TENM4: variants seen among roughly 807,000 people sequenced by gnomAD.
TENM4 encodes teneurin-4.
In TENM4, 82 loss-of-function variants were observed where a neutral mutation model predicts 243.3. That is an observed-to-expected ratio of 0.34 (90% CI 0.28 to 0.40). The LOEUF is 0.40. Among genes scored for constraint, TENM4 ranks in the 10% least tolerant of loss-of-function variants. The probability of loss-of-function intolerance (pLI) is 1.00; values close to 1 mark genes in which losing one functional copy is unlikely to be tolerated. For synonymous variants in TENM4, 1,412 were observed against 1,456.3 expected (o/e 0.97, Z 0.69); for missense variants, 3,138 against 3,673.3 (o/e 0.85, Z 3.77).
At position 79,129,521 on chromosome 11, in the gene TENM4, T is replaced by C. The variant is rs927834071; in HGVS notation, c.-66+19189A>G. Reference sequence around the variant, plus strand: ...GCCCACCACCTGGAAACAGACTCGGTGCTGTTTGTTGGGGGGTAGGGAGAG... The same window carrying C: ...GCCCACCACCTGGAAACAGACTCGGCGCTGTTTGTTGGGGGGTAGGGAGAG... On this transcript the variant is annotated intron_variant, in intron 4 of 33. Transcript: ENST00000278550. Among the ~76,000 whole-genome samples, 3 of 152,088 alleles carry C rather than the reference T, an allele frequency of 2.0e-5. No individual in the cohort carries two copies. In the East Asian group the frequency reaches 5.8e-4, roughly 29 times the overall value.
At chr11:79,130,722 C>G (rs984138144) in intron 4 of TENM4, among the ~76,000 whole-genome samples, 6 of 152,188 alleles carry the variant, frequency 3.9e-5, no homozygotes, top group African/African-American at 1.4e-4. Flanking sequence ...ACTTGGGAGG[C>G]TGAGGCAGGA....
intron 17 of TENM4, among the ~76,000 whole-genome samples, 188 bp downstream of exon 17, chr11:78,778,414 A>G (rs762929582): frequency 5.9e-5 from 9 of 152,096 alleles, no homozygotes; most frequent in Non-Finnish European, 1.0e-4. Context: ...AGGTATATCA[A>G]CCACCTTGTG....
At chr11:78,876,231 G>A (rs1201781996) in intron 9 of TENM4, among the ~76,000 whole-genome samples, 2 of 152,162 alleles carry the variant, frequency 1.3e-5, no homozygotes, top group East Asian at 1.9e-4. Flanking sequence ...CTTACATAAA[G>A]GCATGGTATT....
At chr11:78,659,151 T>C (rs1161821648) in intron 33 of TENM4, among the ~76,000 whole-genome samples, 3 of 152,338 alleles carry the variant, frequency 2.0e-5, no homozygotes, top group Middle Eastern at 3.4e-3. Flanking sequence ...GAAAGACAGA[T>C]ATGACAACAA....
rs370253336 is a variant in TENM4 at position 79,166,973 on chromosome 11, T to G, written c.-162-18167A>C. Among the ~76,000 whole-genome samples the G allele has an allele frequency of 4.5e-4, 68 of 152,256 alleles. No homozygotes were observed. The South Asian group carries it at 0.012, about 26-fold the overall frequency. On this transcript the variant is annotated intron_variant, in intron 3 of 33. Transcript: ENST00000278550. ...AGGGGAGTGGAGGGTGGGCTATAGTTTCAGAAATGAGGCTGCAGAGGGAAC... is the reference window on the plus strand; with the variant it reads ...AGGGGAGTGGAGGGTGGGCTATAGTGTCAGAAATGAGGCTGCAGAGGGAAC...
At chr11:79,398,737 TAAAAAAAAA>T (rs5792854) in intron 1 of TENM4, among the ~76,000 whole-genome samples, 1 of 102,768 alleles carries the variant, frequency 9.7e-6, no homozygotes, top group Non-Finnish European at 1.9e-5. Context: ...TCAGATGCTT[TAAAAAAAAA>T]AAAAAAAAAA....
intron 6 of TENM4, among the ~76,000 whole-genome samples, chr11:78,921,151 CTG>C (rs1856439523): frequency 6.6e-6 from 1 of 152,232 alleles, no homozygotes; most frequent in African/African-American, 2.4e-5. Flanking sequence ...ACCATTGACA[CTG>C]TATGTTACAG....
intron 6 of TENM4, among the ~76,000 whole-genome samples, chr11:78,979,260 C>T (rs987575499): frequency 7.9e-5 from 12 of 152,254 alleles, no homozygotes; most frequent in African/African-American, 2.6e-4. Flanking sequence ...AAGGGAGGGA[C>T]TCCAACCAGC....
chr11:78,691,269 G>A lies in TENM4; in HGVS notation c.5088-3043C>T, dbSNP rs537841121. Among the ~76,000 whole-genome samples the A allele has an allele frequency of 5.9e-5, 9 of 152,326 alleles. No individual in the cohort carries two copies. In the East Asian group the frequency reaches 1.3e-3, roughly 23 times the overall value. On this transcript the variant is annotated intron_variant, in intron 28 of 33. Coordinates refer to ENST00000278550, the MANE Select transcript of TENM4 (RefSeq NM_001098816.3). ...CTGGGTTCTGCCACCTGCCAGCAGC[G>A]TGACCCTGGAGGACTGGCTCTCAGT...
At chr11:78,968,333 G>A (rs1194244060) in intron 6 of TENM4, among the ~76,000 whole-genome samples, 2 of 152,174 alleles carry the variant, frequency 1.3e-5, no homozygotes, top group African/African-American at 4.8e-5. Flanking sequence ...CACCCAGGCT[G>A]GAGTGTCATG....
At position 79,022,645 on chromosome 11, in the gene TENM4, C is replaced by T. The variant is rs550743977; in HGVS notation, c.493+42093G>A. On this transcript the variant is annotated intron_variant, in intron 6 of 33. Transcript: ENST00000278550. ...ATAAAAGGTTTTTAAAAGACACACA[C>T]GATAGCATTTTTGGTTTTCAGAAAC... Among the ~76,000 whole-genome samples, 7 of 152,194 alleles carry T rather than the reference C, an allele frequency of 4.6e-5. No homozygotes were observed. In the East Asian group the frequency reaches 5.8e-4, roughly 13 times the overall value.
In TENM4 at chr11:78,844,054, C is replaced by T. The variant is rs58043738; in HGVS notation, c.1681+10050G>A. 7.5e-3 allele frequency among the ~76,000 whole-genome samples: 1,145 copies of T among 152,228 alleles called. 16 individuals are homozygous for T. The highest frequency in any genetic ancestry group is 0.027 in the African/African-American group (1,101 of 41,512). ...CAGGGGAAGTTACTGGAGTTGGATTCGAAGACTCGGCTTTATGTTGTGTGA... is the reference window on the plus strand; with the variant it reads ...CAGGGGAAGTTACTGGAGTTGGATTTGAAGACTCGGCTTTATGTTGTGTGA... On this transcript the variant is annotated intron_variant, in intron 12 of 33. Transcript: ENST00000278550.
At chr11:78,878,202 A>G (rs902405136) in intron 9 of TENM4, among the ~76,000 whole-genome samples, 2 of 151,856 alleles carry the variant, frequency 1.3e-5, no homozygotes, top group African/African-American at 2.4e-5. Context: ...TTGGGTTCTG[A>G]TCTTGTCATC....
intron 4 of TENM4, among the ~76,000 whole-genome samples, chr11:79,144,665 A>C (rs528916852): frequency 3.3e-4 from 50 of 152,188 alleles, no homozygotes; most frequent in Non-Finnish European, 5.6e-4. Flanking sequence ...ATGTTAAGCA[A>C]AATAAGCCAG....
At chr11:78,776,784 C>T (rs994548880) in intron 17 of TENM4, among the ~76,000 whole-genome samples, 5 of 151,948 alleles carry the variant, frequency 3.3e-5, no homozygotes, top group African/African-American at 1.2e-4. Context: ...AAGAGCAGAG[C>T]AGGTGATTTG....
chr11:78,810,490 G>A (rs774821373), intron 14 of TENM4, among the ~76,000 whole-genome samples: 23 of 152,118 alleles, frequency 1.5e-4, no homozygotes, highest in Non-Finnish European at 2.4e-4. Flanking sequence ...TTCCTTCTCA[G>A]GGTCTTCACC....
At chr11:78,950,975 C>T (rs2136490839) in intron 6 of TENM4, among the ~76,000 whole-genome samples, 1 of 152,310 alleles carries the variant, frequency 6.6e-6, no homozygotes, top group African/African-American at 2.4e-5. Context: ...TTCTGCTGTC[C>T]AAAGGTGTGA....
chr11:78,917,173 C>A (rs1435908287), intron 6 of TENM4, among the ~76,000 whole-genome samples: 1 of 152,176 alleles, frequency 6.6e-6, no homozygotes, highest in Non-Finnish European at 1.5e-5. Context: ...CCTCCTTTCA[C>A]AGGTAAGAAA....
At chr11:78,817,758 C>T (rs576677518) in intron 12 of TENM4, among the ~76,000 whole-genome samples, 16 of 152,332 alleles carry the variant, frequency 1.1e-4, no homozygotes, top group East Asian at 5.8e-4. Context: ...GAAAGGCAGA[C>T]GGCCTGGCTT....
Sources: allele counts gnomAD v4.1 joint callset (sites outside exome capture counted in the v4.1 genomes callset), GRCh38; gene constraint gnomAD v4.1.1; transcripts MANE v1.5; gene names NCBI Gene and HGNC (gene_info 2026-07-23, HGNC 2026-07-21).